STARD13: variants seen among roughly 807,000 people sequenced by gnomAD.
The protein encoded by STARD13 is stAR-related lipid transfer protein 13.
In STARD13, 62 loss-of-function variants were observed where a neutral mutation model predicts 106.4. The observed-to-expected ratio is 0.58, with a 90% confidence interval of 0.48 to 0.72. STARD13 has a LOEUF of 0.72. Ranked by LOEUF, STARD13 falls within the 30% of genes least tolerant of loss-of-function variation. The pLI is 0.00. For synonymous variants in STARD13, 565 were observed against 553.0 expected (o/e 1.02, Z -0.31); for missense variants, 1,387 against 1,424.0 (o/e 0.97, Z 0.42).
At chr13:33,532,955 G>T in the STARD13 span, among the ~76,000 whole-genome samples, 31 of 151,728 alleles carry the variant, frequency 2.0e-4, no homozygotes, top group African/African-American at 6.8e-4. Flanking sequence ...TTCCAAAGGG[G>T]CTGGGACAAT....
chr13:33,123,055 CAAAAAAAAA>C (rs71071079), intron 7 of STARD13, among the ~76,000 whole-genome samples: 10 of 45,844 alleles, frequency 2.2e-4, no homozygotes, highest in South Asian at 1.7e-3. Flanking sequence ...GACTCCATCT[CAAAAAAAAA>C]AAAAAAAAAA....
intron 3 of STARD13, among the ~76,000 whole-genome samples, chr13:33,146,029 A>T: frequency 6.6e-6 from 1 of 152,258 alleles, no homozygotes; most frequent in Admixed American, 6.5e-5. Flanking sequence ...TACAAAAAAA[A>T]TATATAAAAA....
At position 33,249,126 on chromosome 13, in the gene STARD13, T is replaced by C. The variant is rs544488404; in HGVS notation, c.169+36344A>G. Reference sequence around the variant, plus strand: ...TTGAAATGACTGCTAGCTTTATACATTAAAATGAGGAAAAAAAAGTTGGGA... The same window carrying C: ...TTGAAATGACTGCTAGCTTTATACACTAAAATGAGGAAAAAAAAGTTGGGA... On this transcript the variant is annotated intron_variant, in intron 1 of 13. Transcript: ENST00000336934. 1.7e-3 allele frequency among the ~76,000 whole-genome samples: 254 copies of C among 152,290 alleles called. 1 individual carries two copies. Among genetic ancestry groups the C allele is most frequent in the African/African-American group, 5.8e-3 (242 of 41,558 alleles).
At chr13:33,507,673 T>C in the STARD13 span, among the ~76,000 whole-genome samples, 1 of 152,174 alleles carries the variant, frequency 6.6e-6, no homozygotes, top group African/African-American at 2.4e-5. Context: ...CCAAGAAAAC[T>C]TAACTGTTAA....
intron 1 of STARD13, among the ~76,000 whole-genome samples, chr13:33,211,576 A>T: frequency 6.6e-6 from 1 of 152,176 alleles, no homozygotes; most frequent in East Asian, 1.9e-4. Flanking sequence ...TTTGCATTTA[A>T]CCTACATACA....
At chr13:33,538,253 T>C in the STARD13 span, among the ~76,000 whole-genome samples, 1 of 152,194 alleles carries the variant, frequency 6.6e-6, no homozygotes, top group South Asian at 2.1e-4. Context: ...ACTCTCTTTT[T>C]CCCCTTACCT....
chr13:33,228,451 G>A lies in STARD13; in HGVS notation c.169+57019C>T, dbSNP rs185696027. ...AGTTCATTTACAGTGTTTTTTTTTT[G>A]GAAGTTAAAATTGAGCTCCTGTTAT... is the stretch of plus-strand genomic sequence containing the variant. On this transcript the variant is annotated intron_variant, in intron 1 of 13. Transcript: ENST00000336934. Among the ~76,000 whole-genome samples, 382 of 144,040 alleles carry A rather than the reference G, an allele frequency of 2.7e-3. 4 individuals carry two copies. The highest frequency in any genetic ancestry group is 9.5e-3 in the African/African-American group (372 of 39,190). The allele number at this position is 144,040 out of a possible 152,430, so 94.5% of individuals were successfully genotyped here.
At chr13:33,369,235 G>C in the STARD13 span, among the ~76,000 whole-genome samples, 1 of 151,646 alleles carries the variant, frequency 6.6e-6, no homozygotes. Context: ...GTCAGCCTCT[G>C]AAAGCATTGA....
chr13:33,367,071 T>C, the STARD13 span, among the ~76,000 whole-genome samples: 1 of 152,304 alleles, frequency 6.6e-6, no homozygotes, highest in African/African-American at 2.4e-5. Flanking sequence ...AATCAGTATA[T>C]AGCCAAGTGA....
At chr13:33,485,361 T>C in the STARD13 span, among the ~76,000 whole-genome samples, 1 of 152,110 alleles carries the variant, frequency 6.6e-6, no homozygotes, top group African/African-American at 2.4e-5. Context: ...TTTCTGACTT[T>C]CAAAAAACTC....
At chr13:33,419,452 A>G in the STARD13 span, among the ~76,000 whole-genome samples, 3 of 152,242 alleles carry the variant, frequency 2.0e-5, no homozygotes, top group African/African-American at 7.2e-5. Context: ...AAAGCCTCCA[A>G]GAAATACGCG....
rs1877897198 is a variant in STARD13 at position 33,129,607 on chromosome 13, T to C, written c.1070A>G (p.Asn357Ser). ...CTCCAAGTACATGCCCCCGCGCTTG[T>C]TGGCCTCGTGGCACTTGCGTTCCTT... ...CLKERKCHEA[N>S]KRGGMYLEDL... The change falls in exon 5 of 14, where the codon AAC becomes AGC. Residue 357 changes from asparagine to serine, a missense_variant. Physicochemically the swap from Asn to Ser is conservative, Grantham distance 46. Coordinates refer to ENST00000336934, the MANE Select transcript of STARD13 (RefSeq NM_178006.4). The C allele has an allele frequency of 1.7e-5, 27 of 1,614,094 alleles. No homozygotes were observed. The highest frequency in any genetic ancestry group is 2.3e-5 in the Non-Finnish European group (27 of 1,180,040).
intron 1 of STARD13, among the ~76,000 whole-genome samples, chr13:33,339,054 T>TTACA (rs1156414677): frequency 1.3e-5 from 2 of 152,170 alleles, no homozygotes; most frequent in Non-Finnish European, 2.9e-5. Flanking sequence ...CAATAATCCC[T>TTACA]TACATAGGGT....
upstream of STARD13, among the ~76,000 whole-genome samples, chr13:33,354,423 T>C (rs964943610): frequency 6.6e-6 from 1 of 152,244 alleles, no homozygotes; most frequent in African/African-American, 2.4e-5. Context: ...TCCTCTTCCA[T>C]TGTGTTTCTT....
At chr13:33,486,594 A>G in the STARD13 span, among the ~76,000 whole-genome samples, 3 of 152,202 alleles carry the variant, frequency 2.0e-5, no homozygotes, top group Non-Finnish European at 2.9e-5. Context: ...AGAAGTGGGC[A>G]CTACTGTCCT....
chr13:33,128,429 C>A (rs1877575434), intron 5 of STARD13, among the ~76,000 whole-genome samples: 1 of 152,150 alleles, frequency 6.6e-6, no homozygotes, highest in Non-Finnish European at 1.5e-5. Flanking sequence ...CTGAAACGGT[C>A]TTTGTAGGTC....
the STARD13 span, among the ~76,000 whole-genome samples, chr13:33,467,947 T>C: frequency 1.3e-5 from 2 of 152,220 alleles, no homozygotes; most frequent in South Asian, 4.1e-4. Context: ...AATCACAGTT[T>C]TGTTACTTAA....
At chr13:33,449,081 C>CA in the STARD13 span, among the ~76,000 whole-genome samples, 5,180 of 141,364 alleles carry the variant, frequency 0.037, 177 homozygotes, top group African/African-American at 0.094. Context: ...AATGCTGTGC[C>CA]AAAAAAAAAA....
At chr13:33,135,548 A>C (rs1012646858) in intron 4 of STARD13, among the ~76,000 whole-genome samples, 17 of 152,224 alleles carry the variant, frequency 1.1e-4, no homozygotes, top group African/African-American at 3.9e-4. Flanking sequence ...ATAACTTTAT[A>C]ATTATAAGAA....
Sources: allele counts gnomAD v4.1 joint callset (sites outside exome capture counted in the v4.1 genomes callset), GRCh38; gene constraint gnomAD v4.1.1; transcripts MANE v1.5; gene names NCBI Gene and HGNC (gene_info 2026-07-23, HGNC 2026-07-21).